The following SYT10 variants were observed in gnomAD, a reference collection of about 807,000 sequenced individuals.
The protein encoded by SYT10 is synaptotagmin 10.
A neutral mutation model predicts 51.1 loss-of-function variants in SYT10; 31 were observed. That is an observed-to-expected ratio of 0.61 (90% CI 0.46 to 0.82). SYT10 has a LOEUF of 0.82. SYT10 is among the 40% of genes least tolerant of loss of function. The probability of loss-of-function intolerance (pLI) is 0.00; values close to 1 mark genes in which losing one functional copy is unlikely to be tolerated. For synonymous variants in SYT10, 233 were observed against 225.9 expected (o/e 1.03, Z -0.28); for missense variants, 603 against 634.0 (o/e 0.95, Z 0.53).
At chr12:33,385,531 A>G (rs1866150083) in intron 3 of SYT10, among the ~76,000 whole-genome samples, 1 of 152,220 alleles carries the variant, frequency 6.6e-6, no homozygotes, top group Admixed American at 6.5e-5. Flanking sequence ...AAACCAGACT[A>G]CTGATTCCAC....
In SYT10 at chr12:33,409,732, GT is replaced by G. The variant is rs1210198181; in HGVS notation, c.510-2377del. ...GGGTTTCACCATGTTAGCCAGGATG[GT>G]CTCGATCTCCTGATCTCAAAGAAGA... is the stretch of plus-strand genomic sequence containing the variant. On this transcript the variant is annotated intron_variant, in intron 2 of 6. Coordinates refer to ENST00000228567, the MANE Select transcript of SYT10 (RefSeq NM_198992.4). 3.3e-5 allele frequency among the ~76,000 whole-genome samples: 5 copies of G among 152,100 alleles called. No individual in the cohort carries two copies. In the East Asian group the frequency reaches 9.7e-4, roughly 29 times the overall value.
rs191861666 is a variant in SYT10 at position 33,379,446 on chromosome 12, G to T, written c.1500+386C>A. Among the ~76,000 whole-genome samples the T allele has an allele frequency of 1.2e-4, 18 of 150,484 alleles. No homozygotes were observed. The East Asian group carries it at 2.0e-3, about 16-fold the overall frequency. On this transcript the variant is annotated intron_variant, in intron 6 of 6. Coordinates refer to ENST00000228567, the MANE Select transcript of SYT10 (RefSeq NM_198992.4). ...GGGATTGTGGAACACTTTAGGTAAGGTGGCTGTTTTTTACAGAAGAGAAGG... is the reference window on the plus strand; with the variant it reads ...GGGATTGTGGAACACTTTAGGTAAGTTGGCTGTTTTTTACAGAAGAGAAGG...
Position 33,407,029 on chromosome 12 carries a change from C to T in SYT10, c.837G>A (p.Arg279=), listed in dbSNP as rs760778883. Residue 279 remains arginine, a synonymous_variant, in exon 3 of 7, where the codon AGG becomes AGA. Coordinates refer to ENST00000228567, the MANE Select transcript of SYT10 (RefSeq NM_198992.4). ...PYVKMYLLPD[R]KKKFQTRVHR... is the part of the protein sequence containing the mutation. ...GCACGCGGGTCTGAAATTTCTTTTT[C>T]CTATCTGGAAGAAGATACATCTTCA... 6 of 1,614,068 alleles carry T rather than the reference C, an allele frequency of 3.7e-6. No homozygotes were observed. Among genetic ancestry groups the T allele is most frequent in the Non-Finnish European group, 5.1e-6 (6 of 1,180,008 alleles).
Position 33,439,585 on chromosome 12 carries a change from C to T in SYT10, c.-63G>A, listed in dbSNP as rs1377567859. ...TTAGCCGTCTTTTCCTCTTCCCGTA[C>T]CTCTAACCCCTCTGGCGCCCTAAGC... On this transcript the variant is annotated 5_prime_UTR_variant, in exon 1 of 7. Coordinates refer to ENST00000228567, the MANE Select transcript of SYT10 (RefSeq NM_198992.4). The T allele has an allele frequency of 3.2e-6, 5 of 1,562,744 alleles. No individual in the cohort carries two copies. The highest frequency in any genetic ancestry group is 1.7e-5 in the Admixed American group (1 of 57,216).
intron 2 of SYT10, among the ~76,000 whole-genome samples, chr12:33,419,314 CA>C (rs1866480495): frequency 6.6e-6 from 1 of 151,932 alleles, no homozygotes; most frequent in Non-Finnish European, 1.5e-5. Context: ...AAATGTGTAT[CA>C]AATTTCAAGA....
chr12:33,417,235 G>A (rs1866462162), intron 2 of SYT10, among the ~76,000 whole-genome samples: 1 of 152,086 alleles, frequency 6.6e-6, no homozygotes, highest in South Asian at 2.1e-4. Context: ...TAAGGGCTCT[G>A]CCTCATGAAT....
chr12:33,394,993 CAGG>C (rs1479752736), intron 3 of SYT10, among the ~76,000 whole-genome samples: 1 of 152,132 alleles, frequency 6.6e-6, no homozygotes, highest in Non-Finnish European at 1.5e-5. Flanking sequence ...GAGGCTGAGG[CAGG>C]AGAACGGCGT....
At chr12:33,386,912 G>T (rs1383733682) in intron 3 of SYT10, among the ~76,000 whole-genome samples, 1 of 152,160 alleles carries the variant, frequency 6.6e-6, no homozygotes. Context: ...ACTGTCCACA[G>T]TACCCTGATA....
In SYT10 at chr12:33,397,102, A is replaced by C. The variant is rs532571116; in HGVS notation, c.1077+9687T>G. ...TTCTCCTAAGGTAATGAGCACATAGATATACAGACACATACACAGCATGGT... is the reference window on the plus strand; with the variant it reads ...TTCTCCTAAGGTAATGAGCACATAGCTATACAGACACATACACAGCATGGT... On this transcript the variant is annotated intron_variant, in intron 3 of 6. Transcript: ENST00000228567. Among the ~76,000 whole-genome samples the C allele has an allele frequency of 1.4e-4, 22 of 152,340 alleles. No individual in the cohort carries two copies. In the South Asian group the frequency reaches 4.6e-3, roughly 32 times the overall value.
Position 33,379,956 on chromosome 12 carries a change from C to A in SYT10, c.1376G>T (p.Gly459Val), listed in dbSNP as rs754427228. 10 of 1,607,136 alleles carry A rather than the reference C, an allele frequency of 6.2e-6. No individual in the cohort carries two copies. The highest frequency in any genetic ancestry group is 1.3e-5 in the African/African-American group (1 of 74,690). Residue 459 changes from glycine (G) to valine (V), a missense_variant, in exon 6 of 7, where the codon GGA becomes GTA. Coordinates refer to ENST00000228567, the MANE Select transcript of SYT10 (RefSeq NM_198992.4). ...SIAVMDYDRV[G>V]HNEVIGVCRT... ...GCACACTCCTATGACCTCATTGTGTCCTACCCTATGATTTGTGGGATATTA... is the reference window on the plus strand; with the variant it reads ...GCACACTCCTATGACCTCATTGTGTACTACCCTATGATTTGTGGGATATTA...
rs755453396 is a variant in SYT10, at chr12:33,439,501, C to T, written c.22G>A (p.Gly8Arg). The T allele has an allele frequency of 3.7e-6, 6 of 1,613,214 alleles. No individual in the cohort carries two copies. The highest frequency in any genetic ancestry group is 2.2e-5 in the South Asian group (2 of 90,898). MSFHKED[G>R]VNSLCQKALH... ...GCCTTCTGGCACAGACTGTTCACTC[C>T]GTCCTCCTTGTGGAAACTCATCGTT... Residue 8 changes from glycine to arginine, a missense_variant, in exon 1 of 7, where the codon GGA becomes AGA. By Grantham distance (125) the Gly-to-Arg change is moderately radical (BLOSUM62 -2). Coordinates refer to ENST00000228567, the MANE Select transcript of SYT10 (RefSeq NM_198992.4).
At position 33,439,628 on chromosome 12, in the gene SYT10, G is replaced by T. The variant is rs538050418; in HGVS notation, c.-106C>A. 2 of 1,393,750 alleles carry T rather than the reference G, an allele frequency of 1.4e-6. No individual in the cohort carries two copies. The highest frequency in any genetic ancestry group is 2.4e-5 in the East Asian group (1 of 40,894). 86.3% of individuals were successfully genotyped at this position (1,393,750 alleles called of 1,614,324 possible). ...CCCTAAGCCATAGTCCGCCCGCGGT[G>T]ACTTTGGCTGGAGATTGCGCCGCTG... On this transcript the variant is annotated 5_prime_UTR_variant, in exon 1 of 7. Coordinates refer to ENST00000228567, the MANE Select transcript of SYT10 (RefSeq NM_198992.4).
chr12:33,439,726 C>T lies in SYT10; in HGVS notation c.-204G>A, dbSNP rs1866669672. The stretch of plus-strand genomic sequence containing the variant: ...GGAGGGCGTAGGGGAAGGAGAGGCG[C>T]GCGAGGAGGCTGCGGCTGCCGCGAG... On this transcript the variant is annotated 5_prime_UTR_variant, in exon 1 of 7. Coordinates refer to ENST00000228567, the MANE Select transcript of SYT10 (RefSeq NM_198992.4). The T allele has an allele frequency of 3.4e-6, 2 of 585,794 alleles. No homozygotes were observed. The highest frequency in any genetic ancestry group is 4.9e-5 in the South Asian group (2 of 41,178). The allele number at this position is 585,794 out of a possible 1,614,324, so 36.3% of individuals were successfully genotyped here. A position where few individuals can be genotyped will look rare whatever the true frequency, so the allele number is the denominator to read the frequency against.
intron 3 of SYT10, among the ~76,000 whole-genome samples, chr12:33,396,562 T>C (rs1320975800): frequency 2.6e-5 from 4 of 152,182 alleles, no homozygotes; most frequent in Admixed American, 1.3e-4. Context: ...TTTTGGAACC[T>C]ATAAAATTAA....
chr12:33,414,747 C>T (rs1413638585), intron 2 of SYT10, among the ~76,000 whole-genome samples: 1 of 152,158 alleles, frequency 6.6e-6, no homozygotes, highest in African/African-American at 2.4e-5. Flanking sequence ...AAAATTGACA[C>T]CCTAACATCA....
rs1476541389 is a variant in SYT10 at position 33,426,286 on chromosome 12, T to C, written c.361A>G (p.Lys121Glu). 3.7e-6 allele frequency: 6 copies of C among 1,614,018 alleles called. No homozygotes were observed. Among genetic ancestry groups the C allele is most frequent in the South Asian group, 3.3e-5 (3 of 91,088 alleles). The change falls in exon 2 of 7, where the codon AAG becomes GAG. Residue 121 changes from lysine to glutamate, a missense_variant. Physicochemically the swap from Lys to Glu is moderately conservative, Grantham distance 56. Transcript: ENST00000228567. ...EEKKEIKENEKPAVKAIEPAI... is the reference protein window; with the variant it reads ...EEKKEIKENEEPAVKAIEPAI... ...GGCTCAATAGCTTTTACGGCTGGCT[T>C]TTCATTTTCCTTAATTTCTTTTTTC...
In SYT10 at chr12:33,426,308, T is replaced by G. The variant is rs142035623; in HGVS notation, c.339A>C (p.Lys113Asn). 35 of 1,614,100 alleles carry G rather than the reference T, an allele frequency of 2.2e-5. No individual in the cohort carries two copies. The South Asian group carries it at 3.0e-4, about 14-fold the overall frequency. The change falls in exon 2 of 7, where the codon AAA becomes AAC. Residue 113 changes from lysine to asparagine, a missense_variant. Physicochemically the swap from Lys to Asn is moderately conservative, Grantham distance 94. Transcript: ENST00000228567. ...APTEVFETEEKKEIKENEKPA... is the reference protein window; with the variant it reads ...APTEVFETEENKEIKENEKPA... ...GCTTTTCATTTTCCTTAATTTCTTT[T>G]TTCTCTTCAGTCTCAAAAACTTCAG...
intron 2 of SYT10, among the ~76,000 whole-genome samples, chr12:33,416,530 C>A (rs1239198976): frequency 6.6e-6 from 1 of 152,148 alleles, no homozygotes; most frequent in Non-Finnish European, 1.5e-5. Context: ...GGTTCATGAA[C>A]ATTCTCTTTT....
At chr12:33,411,347 T>C (rs1242834119) in intron 2 of SYT10, among the ~76,000 whole-genome samples, 1 of 152,142 alleles carries the variant, frequency 6.6e-6, no homozygotes, top group Non-Finnish European at 1.5e-5. Context: ...TTGATATGTT[T>C]TTAGAGGTGC....
Sources: gnomAD v4.1 joint callset for allele counts (sites outside exome capture counted in the v4.1 genomes callset) on GRCh38, gnomAD v4.1.1 for gene constraint, MANE v1.5 for transcripts, NCBI Gene and HGNC (gene_info 2026-07-23, HGNC 2026-07-21) for gene names.